Variants in DOCK9 observed in about 807,000 individuals in gnomAD.
The protein encoded by DOCK9 is dedicator of cytokinesis 9.
In DOCK9, 89 loss-of-function variants were observed where a neutral mutation model predicts 263.3. The ratio of observed to expected loss-of-function variants is 0.34; its 90% CI spans 0.28 to 0.40. DOCK9 has a LOEUF of 0.40. Among genes scored for constraint, DOCK9 ranks in the 10% least tolerant of loss-of-function variants. DOCK9 has a pLI of 1.00. For missense variants in DOCK9, 2,140 were observed against 2,603.4 expected (o/e 0.82, Z 3.87); for synonymous variants, 976 against 973.1 (o/e 1.00, Z -0.06).
intron 1 of DOCK9, among the ~76,000 whole-genome samples, chr13:99,057,874 TATACTG>T (rs2040997890): frequency 2.6e-5 from 4 of 152,314 alleles, no homozygotes; most frequent in Admixed American, 2.6e-4. Flanking sequence ...TTATTTTTCT[TATACTG>T]ATAATACACT....
rs142213380 is a variant in DOCK9, at chr13:98,836,784, A to G, written c.4314+710T>C. ...ATGTGCTTTATGAGTAGTGGAGACA[A>G]GTAAAGCAGAGAATGACTTGGGTCC... On this transcript the variant is annotated intron_variant, in intron 39 of 52. Transcript: ENST00000682017. Among the ~76,000 whole-genome samples, 250 of 152,354 alleles carry G rather than the reference A, an allele frequency of 1.6e-3. 2 individuals carry two copies. Among genetic ancestry groups the G allele is most frequent in the African/African-American group, 5.7e-3 (236 of 41,578 alleles).
intron 2 of DOCK9, among the ~76,000 whole-genome samples, chr13:98,938,341 TG>T (rs1595484257): frequency 6.6e-6 from 1 of 152,176 alleles, no homozygotes; most frequent in South Asian, 2.1e-4. Flanking sequence ...TGTGCAGTCT[TG>T]GGGGATATTT....
At chr13:99,042,691 T>C (rs1315767866) in intron 1 of DOCK9, among the ~76,000 whole-genome samples, 1 of 152,230 alleles carries the variant, frequency 6.6e-6, no homozygotes, top group African/African-American at 2.4e-5. Flanking sequence ...CCCAGGCGTT[T>C]ACATTTTTAG....
chr13:98,967,189 A>C (rs1275526878), intron 1 of DOCK9, among the ~76,000 whole-genome samples: 2 of 152,248 alleles, frequency 1.3e-5, no homozygotes, highest in Non-Finnish European at 2.9e-5. Context: ...ACTTTAATCT[A>C]AAGATGGGAA....
intron 50 of DOCK9, among the ~76,000 whole-genome samples, chr13:98,798,149 C>T (rs1594088624): frequency 6.6e-6 from 1 of 152,142 alleles, no homozygotes; most frequent in Non-Finnish European, 1.5e-5. Context: ...AAGGTAAGAA[C>T]GTGGTGAGAA....
chr13:99,047,729 G>T (rs2040502364), intron 1 of DOCK9, among the ~76,000 whole-genome samples: 1 of 151,734 alleles, frequency 6.6e-6, no homozygotes, highest in South Asian at 2.1e-4. Flanking sequence ...CACCATGTTA[G>T]CCAGGCCGGT....
intron 49 of DOCK9, among the ~76,000 whole-genome samples, chr13:98,804,520 G>C (rs2090466481): frequency 6.6e-6 from 1 of 152,184 alleles, no homozygotes; most frequent in African/African-American, 2.4e-5. Context: ...CAGCTGGCCA[G>C]CCCCCGGGGG....
Position 98,809,409 on chromosome 13 carries a change from G to A in DOCK9, c.5310C>T (p.Val1770=). 6.2e-7 allele frequency: 1 copy of A among 1,613,670 alleles called. No homozygotes were observed. The highest frequency in any genetic ancestry group is 8.5e-7 in the Non-Finnish European group (1 of 1,179,820). The part of the protein sequence containing the change: ...LHRAYSKVTE[V]MHSGRRLLGT... ...CCAGAAGCCTGCGGCCCGAGTGCAT[G>A]ACCTCGGTCACTTTGCTGTAGGCCC... The change falls in exon 47 of 53, where the codon GTC becomes GTT. Residue 1770 remains valine (V), a synonymous_variant. Coordinates refer to ENST00000682017, the MANE Select transcript of DOCK9 (RefSeq NM_001366683.2).
intron 1 of DOCK9, among the ~76,000 whole-genome samples, chr13:99,045,983 C>A (rs1003683290): frequency 1.3e-5 from 2 of 151,680 alleles, no homozygotes; most frequent in African/African-American, 4.9e-5. Flanking sequence ...TGCCTGTAGT[C>A]CCAGCTACTC....
Position 98,966,918 on chromosome 13 carries a change from C to A in DOCK9, c.126+10866G>T, listed in dbSNP as rs1197786066. 3.9e-5 allele frequency among the ~76,000 whole-genome samples: 6 copies of A among 152,188 alleles called. 1 individual carries two copies. The highest frequency in any genetic ancestry group is 5.9e-5 in the Non-Finnish European group (4 of 68,046). On this transcript the variant is annotated intron_variant, in intron 1 of 52. Coordinates refer to ENST00000682017, the MANE Select transcript of DOCK9 (RefSeq NM_001366683.2). ...GGTCCTGGGCTAGCATCAGCATCAC[C>A]TGAAACATGTTAGAAATACACATTC... is the stretch of plus-strand genomic sequence containing the variant.
chr13:99,046,447 G>A (rs556436687), intron 1 of DOCK9, among the ~76,000 whole-genome samples: 48 of 152,232 alleles, frequency 3.2e-4, no homozygotes, highest in Non-Finnish European at 6.6e-4. Flanking sequence ...TCAAAAGGAG[G>A]AAGGATTTTG....
intron 35 of DOCK9, 60 bp downstream of exon 35, chr13:98,853,347 TA>T: frequency 8.8e-7 from 1 of 1,141,552 alleles, no homozygotes; most frequent in South Asian, 1.4e-5. Flanking sequence ...TATTACAAGT[TA>T]AAACCAAACA....
chr13:98,831,893 T>C (rs150328345), intron 39 of DOCK9, 107 bp from the exon 40 acceptor site: 8 of 1,361,906 alleles, frequency 5.9e-6, no homozygotes, highest in Admixed American at 2.3e-5. Context: ...AGACAACTTA[T>C]ACTTTAAACA....
chr13:99,020,078 G>GGTGATAGA (rs984514373), intron 1 of DOCK9, among the ~76,000 whole-genome samples: 1 of 152,108 alleles, frequency 6.6e-6, no homozygotes, highest in Non-Finnish European at 1.5e-5. Context: ...CTTCAGCCTA[G>GGTGATAGA]GTGATAGAGT....
intron 1 of DOCK9, among the ~76,000 whole-genome samples, chr13:99,061,602 G>A (rs1442511247): frequency 6.6e-6 from 1 of 152,158 alleles, no homozygotes; most frequent in Non-Finnish European, 1.5e-5. Flanking sequence ...AACAGAAGGT[G>A]TAGTATCAAA....
chr13:98,903,318 G>A (rs1281869885), intron 10 of DOCK9, among the ~76,000 whole-genome samples: 6 of 152,138 alleles, frequency 3.9e-5, no homozygotes, highest in African/African-American at 1.4e-4. Context: ...CATGGGCCGG[G>A]CACGGTGGCT....
intron 1 of DOCK9, among the ~76,000 whole-genome samples, chr13:98,985,923 T>C (rs938314153): frequency 2.0e-5 from 3 of 152,270 alleles, no homozygotes; most frequent in Non-Finnish European, 1.5e-5. Context: ...TGCCTCACTT[T>C]GGTATGATTT....
chr13:98,937,375 G>A (rs1282118507), intron 2 of DOCK9, among the ~76,000 whole-genome samples: 4 of 151,538 alleles, frequency 2.6e-5, no homozygotes, highest in African/African-American at 9.7e-5. Context: ...GAAAGAAAAG[G>A]AAAAGAAAAA....
In DOCK9 at chr13:98,886,630, A is replaced by G. The variant is rs767184157; in HGVS notation, c.2044-6T>C. 14 of 1,612,260 alleles carry G rather than the reference A, an allele frequency of 8.7e-6. No homozygotes were observed. Among genetic ancestry groups the G allele is most frequent in the Non-Finnish European group, 8.5e-7 (1 of 1,178,764 alleles). On this transcript the variant is annotated splice_polypyrimidine_tract_variant and splice_region_variant and intron_variant, in intron 18 of 52. Transcript: ENST00000682017. Reference sequence around the variant, plus strand: ...CCAGGTCTGCCATAAATGCACTAAAATAAGAGTTACCAAAGGGAAACATCA... The same window carrying G: ...CCAGGTCTGCCATAAATGCACTAAAGTAAGAGTTACCAAAGGGAAACATCA...
Sources: gnomAD v4.1 joint callset for allele counts (sites outside exome capture counted in the v4.1 genomes callset) on GRCh38, gnomAD v4.1.1 for gene constraint, MANE v1.5 for transcripts, NCBI Gene and HGNC (gene_info 2026-07-23, HGNC 2026-07-21) for gene names.